The following APCDD1 variants were observed in gnomAD, a reference collection of about 807,000 sequenced individuals.
APCDD1 encodes the protein APC down-regulated 1.
In APCDD1, 15 loss-of-function variants were observed where a neutral mutation model predicts 38.1. The observed-to-expected ratio is 0.39, with a 90% confidence interval of 0.26 to 0.61. APCDD1 has a LOEUF of 0.61. APCDD1 is among the 20% of genes least tolerant of loss of function. The pLI is 0.49. For synonymous variants in APCDD1, 261 were observed against 279.7 expected (o/e 0.93, Z 0.67); for missense variants, 647 against 696.2 (o/e 0.93, Z 0.79).
intron 3 of APCDD1, among the ~76,000 whole-genome samples, chr18:10,473,015 C>G (rs575500097): frequency 6.6e-6 from 1 of 152,154 alleles, no homozygotes; most frequent in African/African-American, 2.4e-5. Flanking sequence ...AGTATCTCCC[C>G]GGCCGTCCCC....
rs1169368657 is a variant in APCDD1 at position 10,475,761 on chromosome 18, T to A, written c.774+3700T>A. ...AGCTGGAAGGAGGACCCAGGCTTCCTGAGCCAGCCTAGCTGCCTCGCAAGA... is the reference window on the plus strand; with the variant it reads ...AGCTGGAAGGAGGACCCAGGCTTCCAGAGCCAGCCTAGCTGCCTCGCAAGA... On this transcript the variant is annotated intron_variant, in intron 3 of 4. Coordinates refer to ENST00000355285, the MANE Select transcript of APCDD1 (RefSeq NM_153000.5). The surrounding 1 kb of genome is among the most constrained non-coding windows in gnomAD (Gnocchi z 4.0). 7.3e-6 allele frequency: 1 copy of A among 136,060 alleles called. No homozygotes were observed. The highest frequency in any genetic ancestry group is 1.5e-5 in the Non-Finnish European group (1 of 64,592). The allele number at this position is 136,060 out of a possible 1,614,324, so 8.4% of individuals were successfully genotyped here.
intron 1 of APCDD1, among the ~76,000 whole-genome samples, chr18:10,456,220 A>G (rs1160928104): frequency 1.3e-5 from 2 of 152,200 alleles, no homozygotes; most frequent in African/African-American, 2.4e-5. Context: ...CCAGTTGCCA[A>G]GGTGTACTCA....
In APCDD1 at chr18:10,488,157, T is replaced by C; in HGVS notation, c.*119T>C. 1.6e-6 allele frequency: 2 copies of C among 1,272,404 alleles called. No homozygotes were observed. The highest frequency in any genetic ancestry group is 2.2e-6 in the Non-Finnish European group (2 of 912,678). The allele number at this position is 1,272,404 out of a possible 1,614,324, so 78.8% of individuals were successfully genotyped here. On this transcript the variant is annotated 3_prime_UTR_variant, in exon 5 of 5. Coordinates refer to ENST00000355285, the MANE Select transcript of APCDD1 (RefSeq NM_153000.5). Reference sequence around the variant, plus strand: ...CTTGAATGCCAGAGAACTGTCCTTCTTTTTCTCCTCTCCCTCCCTCCCAGC... The same window carrying C: ...CTTGAATGCCAGAGAACTGTCCTTCCTTTTCTCCTCTCCCTCCCTCCCAGC...
Position 10,485,189 on chromosome 18 carries a change from A to G in APCDD1, c.775-273A>G, listed in dbSNP as rs2031221139. ...CATTTCTTTTTGAAATCAAGTGTCC[A>G]GTGCATGTGGTCTGAAAACTTAATA... On this transcript the variant is annotated intron_variant, in intron 3 of 4. Coordinates refer to ENST00000355285, the MANE Select transcript of APCDD1 (RefSeq NM_153000.5). The surrounding 1 kb of genome is among the most constrained non-coding windows in gnomAD (Gnocchi z 5.8). Among the ~76,000 whole-genome samples the G allele has an allele frequency of 6.6e-6, 1 of 152,200 alleles. No homozygotes were observed. The highest frequency in any genetic ancestry group is 1.5e-5 in the Non-Finnish European group (1 of 68,038).
chr18:10,460,990 G>A (rs1163614806), intron 1 of APCDD1, among the ~76,000 whole-genome samples: 1 of 152,190 alleles, frequency 6.6e-6, no homozygotes. Flanking sequence ...CATGTCAATG[G>A]TCAACCCTGT....
At chr18:10,457,389 G>A (rs1015692455) in intron 1 of APCDD1, among the ~76,000 whole-genome samples, 1 of 152,220 alleles carries the variant, frequency 6.6e-6, no homozygotes, top group African/African-American at 2.4e-5. Flanking sequence ...ACTGATAGGC[G>A]CTTTGCAGGC....
rs1005760725 is a variant in APCDD1, at chr18:10,470,768, A to G, written c.243-762A>G. 3.3e-5 allele frequency among the ~76,000 whole-genome samples: 5 copies of G among 152,188 alleles called. No homozygotes were observed. The highest frequency in any genetic ancestry group is 1.2e-4 in the African/African-American group (5 of 41,440). The stretch of plus-strand genomic sequence containing the variant: ...TGAATGGCTGACAGAGCCGTTTGTG[A>G]AATCCCTCAATTCCATCCCGCTGCT... On this transcript the variant is annotated intron_variant, in intron 2 of 4. Transcript: ENST00000355285. The surrounding 1 kb of genome is among the most constrained non-coding windows in gnomAD (Gnocchi z 4.1).
Position 10,485,787 on chromosome 18 carries a change from G to A in APCDD1, c.1096+4G>A, listed in dbSNP as rs756242158. On this transcript the variant is annotated splice_donor_region_variant and intron_variant, in intron 4 of 4. Transcript: ENST00000355285. This position sits in a 1 kb window ranked among gnomAD's most constrained non-coding sequence, Gnocchi z 5.8. ...GGCACCGAGTTCGTGTTCAAAGGTA[G>A]GATTCCCATCTCAAGTCCCAGTATC... 1 of 1,611,784 alleles carries A rather than the reference G, an allele frequency of 6.2e-7. No individual in the cohort carries two copies. The highest frequency in any genetic ancestry group is 8.5e-7 in the Non-Finnish European group (1 of 1,179,986).
intron 3 of APCDD1, among the ~76,000 whole-genome samples, chr18:10,483,309 C>T (rs2031180381): frequency 6.6e-6 from 1 of 152,232 alleles, no homozygotes; most frequent in Non-Finnish European, 1.5e-5. Context: ...GGCAGTTTCT[C>T]CGTGTGCCCC....
chr18:10,460,606 A>C (rs1289194786), intron 1 of APCDD1, among the ~76,000 whole-genome samples: 1 of 152,158 alleles, frequency 6.6e-6, no homozygotes, highest in Non-Finnish European at 1.5e-5. Flanking sequence ...CATGGAGTAT[A>C]CTGTCCTATT....
rs1167276378 is a variant in APCDD1 at position 10,454,734 on chromosome 18, G to A, written c.-248G>A. 1.0e-6 allele frequency: 1 copy of A among 981,610 alleles called. No individual in the cohort carries two copies. Among genetic ancestry groups the A allele is most frequent in the Non-Finnish European group, 1.2e-6 (1 of 828,710 alleles). The allele number at this position is 981,610 out of a possible 1,614,324, so 60.8% of individuals were successfully genotyped here. A position where few individuals can be genotyped will look rare whatever the true frequency, so the allele number is the denominator to read the frequency against. ...ACGCGGGGCCGGGCGCGGAGAAGTC[G>A]GGGCGGGCGGCAGAGAGGCCGGGAC... On this transcript the variant is annotated 5_prime_UTR_variant, in exon 1 of 5. Transcript: ENST00000355285.
rs752241405 is a variant in APCDD1 at position 10,460,225 on chromosome 18, CTT to C, written c.58+5188_58+5189del. 1.6e-4 allele frequency among the ~76,000 whole-genome samples: 24 copies of C among 152,318 alleles called. 1 individual carries two copies. Among genetic ancestry groups the C allele is most frequent in the Non-Finnish European group, 2.4e-4 (16 of 68,014 alleles). ...ATCTAGATAATTCAGATTGTTAAAA[CTT>C]TGTTGAGGACGGGCACGGTGGCTCA... On this transcript the variant is annotated intron_variant, in intron 1 of 4. Coordinates refer to ENST00000355285, the MANE Select transcript of APCDD1 (RefSeq NM_153000.5).
In APCDD1 at chr18:10,454,688, G is replaced by A; in HGVS notation, c.-294G>A. ...GGCGGCCACTGCAGCTCAGAGCGGC[G>A]CACGCGGCGGCCGGGGCGGGACGCG... On this transcript the variant is annotated 5_prime_UTR_variant, in exon 1 of 5. Transcript: ENST00000355285. The A allele has an allele frequency of 1.0e-6, 1 of 985,814 alleles. No individual in the cohort carries two copies. The highest frequency in any genetic ancestry group is 1.2e-6 in the Non-Finnish European group (1 of 831,108). 61.1% of individuals were successfully genotyped at this position (985,814 alleles called of 1,614,324 possible).
chr18:10,468,362 A>G (rs992259604), intron 1 of APCDD1, 107 bp from the exon 2 acceptor site: 6 of 1,209,430 alleles, frequency 5.0e-6, no homozygotes, highest in Middle Eastern at 4.9e-4. Context: ...AGAATAAACA[A>G]TCATTTCCCA....
intron 4 of APCDD1, among the ~76,000 whole-genome samples, 171 bp from the exon 5 acceptor site, chr18:10,487,419 G>A (rs748043275): frequency 2.6e-5 from 4 of 152,156 alleles, no homozygotes; most frequent in South Asian, 2.1e-4. Flanking sequence ...ACTCTTCTCC[G>A]CCTGACAGTG....
In APCDD1 at chr18:10,471,619, G is replaced by C; in HGVS notation, c.332G>C (p.Gly111Ala). The change falls in exon 3 of 5, where the codon GGC becomes GCC. Residue 111 changes from glycine (G) to alanine (A), a missense_variant. Transcript: ENST00000355285. The surrounding 1 kb of genome is among the most constrained non-coding windows in gnomAD (Gnocchi z 5.5). ...NTFKAYQFYYGSNRCTNPTYT... is the reference protein window; with the variant it reads ...NTFKAYQFYYASNRCTNPTYT... ...TTCAAGGCCTACCAATTTTATTATG[G>C]CAGCAACCGGTGCACAAATCCCACT... is the stretch of plus-strand genomic sequence containing the variant. 6.2e-7 allele frequency: 1 copy of C among 1,614,100 alleles called. No homozygotes were observed. The highest frequency in any genetic ancestry group is 1.1e-5 in the South Asian group (1 of 91,084).
intron 3 of APCDD1, among the ~76,000 whole-genome samples, chr18:10,482,603 C>A (rs2031166433): frequency 6.6e-6 from 1 of 152,168 alleles, no homozygotes; most frequent in African/African-American, 2.4e-5. Flanking sequence ...TGTCTGATAA[C>A]AGGCATCACA....
intron 1 of APCDD1, among the ~76,000 whole-genome samples, chr18:10,466,974 C>G (rs143041342): frequency 6.6e-6 from 1 of 152,154 alleles, no homozygotes; most frequent in South Asian, 2.1e-4. Context: ...TCTGTAAGAA[C>G]GATCAGAAGC....
At chr18:10,484,422 A>G (rs1026492175) in intron 3 of APCDD1, among the ~76,000 whole-genome samples, 1 of 152,214 alleles carries the variant, frequency 6.6e-6, no homozygotes, top group African/African-American at 2.4e-5. Flanking sequence ...ATAAATTTTA[A>G]TTGTGGTAAA....
Sources: gnomAD v4.1 joint callset for allele counts (sites outside exome capture counted in the v4.1 genomes callset) on GRCh38, gnomAD v4.1.1 for gene constraint, Gnocchi (gnomAD v3.1) non-coding constraint, MANE v1.5 for transcripts, NCBI Gene and HGNC (gene_info 2026-07-23, HGNC 2026-07-21) for gene names.